ANK3: variants seen among roughly 807,000 people sequenced by gnomAD.
ANK3 encodes the protein ankyrin-3.
A neutral mutation model predicts 370.9 loss-of-function variants in ANK3; 57 were observed. The ratio of observed to expected loss-of-function variants is 0.15; its 90% CI spans 0.12 to 0.19. ANK3 has a LOEUF of 0.19. Ranked by LOEUF, ANK3 falls within the 10% of genes least tolerant of loss-of-function variation. The pLI, the probability that ANK3 is intolerant of heterozygous loss-of-function variation, is 1.00. For synonymous variants in ANK3, 1,929 were observed against 1,946.3 expected (o/e 0.99, Z 0.23); for missense variants, 4,439 against 5,302.1 (o/e 0.84, Z 5.06).
intron 1 of ANK3, among the ~76,000 whole-genome samples, chr10:60,298,907 A>G (rs114844774): frequency 0.024 from 3,722 of 152,306 alleles, 137 homozygotes; most frequent in African/African-American, 0.081. Flanking sequence ...ATGATCATGC[A>G]TATGCAAAGT....
Position 60,042,807 on chromosome 10 carries a change from G to A in ANK3, c.13066-48C>T, listed in dbSNP as rs760163589. The A allele has an allele frequency of 6.8e-6, 10 of 1,476,714 alleles. No homozygotes were observed. The South Asian group carries it at 7.0e-5, about 10-fold the overall frequency. The allele number at this position is 1,476,714 out of a possible 1,614,324, so 91.5% of individuals were successfully genotyped here. A position where few individuals can be genotyped will look rare whatever the true frequency, so the allele number is the denominator to read the frequency against. On this transcript the variant is annotated intron_variant, in intron 42 of 43. Transcript: ENST00000280772. ...AAGATTTCACAGTGAAACAGTGTTA[G>A]TTATAAAGCAGTCCATTCTGATCCT...
chr10:60,659,831 A>T (rs1183057694), intron 1 of ANK3, among the ~76,000 whole-genome samples: 1 of 152,132 alleles, frequency 6.6e-6, no homozygotes, highest in African/African-American at 2.4e-5. Context: ...AAATGGGACA[A>T]GGTATATAAA....
intron 2 of ANK3, among the ~76,000 whole-genome samples, chr10:60,414,816 G>T (rs527815781): frequency 2.0e-5 from 3 of 152,312 alleles, no homozygotes; most frequent in African/African-American, 7.2e-5. Context: ...CACCTGAGCA[G>T]CATTTGCCAA....
chr10:60,293,648 A>G (rs1237726721), intron 1 of ANK3, among the ~76,000 whole-genome samples: 1 of 152,164 alleles, frequency 6.6e-6, no homozygotes, highest in African/African-American at 2.4e-5. Flanking sequence ...CCTCACATAC[A>G]AAGAAGGCTA....
intron 1 of ANK3, among the ~76,000 whole-genome samples, chr10:60,311,226 G>A (rs1443264813): frequency 6.6e-6 from 1 of 152,116 alleles, no homozygotes; most frequent in Non-Finnish European, 1.5e-5. Context: ...CAATGAAACA[G>A]CACACAGATG....
At chr10:60,240,167 T>TATATATACATATATACACAC in intron 7 of ANK3, among the ~76,000 whole-genome samples, 1 of 129,186 alleles carries the variant, frequency 7.7e-6, no homozygotes, top group South Asian at 2.3e-4. Flanking sequence ...TATATACACA[T>TATATATACATATATACACAC]ATATATACAT....
intron 2 of ANK3, among the ~76,000 whole-genome samples, chr10:60,431,276 A>G (rs1693324693): frequency 6.6e-6 from 1 of 152,160 alleles, no homozygotes; most frequent in Non-Finnish European, 1.5e-5. Flanking sequence ...CCTCACACAC[A>G]TAGTTCACAG....
chr10:60,667,256 C>T (rs1400218113), intron 1 of ANK3, among the ~76,000 whole-genome samples: 1 of 148,834 alleles, frequency 6.7e-6, no homozygotes, highest in East Asian at 1.9e-4. Context: ...AAGAGCCACC[C>T]CATTCCAGAG....
intron 7 of ANK3, among the ~76,000 whole-genome samples, chr10:60,239,409 T>G (rs2097387825): frequency 6.6e-6 from 1 of 151,522 alleles, no homozygotes; most frequent in African/African-American, 2.4e-5. Flanking sequence ...AAGACACATC[T>G]CATACAGAGA....
At chr10:60,718,682 G>C (rs956943235) in intron 1 of ANK3, among the ~76,000 whole-genome samples, 8 of 152,130 alleles carry the variant, frequency 5.3e-5, no homozygotes, top group Non-Finnish European at 8.8e-5. Flanking sequence ...GGGATGAGAA[G>C]TATTCCACAA....
chr10:60,496,655 A>G (rs1368725593), intron 2 of ANK3, among the ~76,000 whole-genome samples: 1 of 151,532 alleles, frequency 6.6e-6, no homozygotes, highest in Non-Finnish European at 1.5e-5. Context: ...AATTACTTTA[A>G]AGGCAAAGTA....
chr10:60,059,912 G>A, intron 40 of ANK3: 1 of 1,614,164 alleles, frequency 6.2e-7, no homozygotes, highest in Non-Finnish European at 8.5e-7. Flanking sequence ...CTATGCTAGA[G>A]ATATCACTAA....
At chr10:60,429,477 G>T (rs1352367602) in intron 2 of ANK3, among the ~76,000 whole-genome samples, 1 of 152,184 alleles carries the variant, frequency 6.6e-6, no homozygotes, top group Non-Finnish European at 1.5e-5. Context: ...AGCCTTTACA[G>T]ATTAGTAAAG....
intron 1 of ANK3, among the ~76,000 whole-genome samples, chr10:60,688,673 GTGCGGTGGCACATGCC>G (rs1013070352): frequency 6.6e-6 from 1 of 152,242 alleles, no homozygotes; most frequent in Non-Finnish European, 1.5e-5. Context: ...ATCAGGCCGG[GTGCGGTGGCACATGCC>G]TGTAATCCCA....
intron 2 of ANK3, among the ~76,000 whole-genome samples, chr10:60,597,043 T>C (rs775207220): frequency 3.3e-5 from 5 of 152,208 alleles, no homozygotes; most frequent in Non-Finnish European, 7.3e-5. Context: ...ATTTAAAAAA[T>C]GCAGTTATTT....
At position 60,672,998 on chromosome 10, in the gene ANK3, T is replaced by A. The variant is rs150712111; in HGVS notation, c.58-57774A>T. ...ACTGTTTAAGAGAAGAAAACATGTA[T>A]TTTTTTTTCTGATACAACAAGCAAT... On this transcript the variant is annotated intron_variant, in intron 1 of 43. Coordinates refer to the ANK3 transcript ENST00000373827. Among the ~76,000 whole-genome samples, 322 of 150,844 alleles carry A rather than the reference T, an allele frequency of 2.1e-3. 1 individual carries two copies. Among genetic ancestry groups the A allele is most frequent in the African/African-American group, 7.0e-3 (285 of 40,990 alleles).
At position 60,073,467 on chromosome 10, in the gene ANK3, T is replaced by C; in HGVS notation, c.7414A>G (p.Lys2472Glu). ...GTATCAGAATGAGACACATCTAGCT[T>C]TTCTGACAGAAGCATTTTCTCAGCA... ...RFAEKMLLSEKLDVSHSDTEE... is the reference protein window; with the variant it reads ...RFAEKMLLSEELDVSHSDTEE... Residue 2472 changes from lysine (K) to glutamate (E), a missense_variant, in exon 37 of 44, where the codon AAG becomes GAG. Physicochemically the swap from Lys to Glu is moderately conservative, Grantham distance 56 (BLOSUM62 1). This residue lies in a region of ANK3 where 1,601 missense variants were observed against 1,731.7 expected (regional missense o/e 0.92). Coordinates refer to ENST00000280772, the MANE Select transcript of ANK3 (RefSeq NM_020987.5). 1 of 1,614,024 alleles carries C rather than the reference T, an allele frequency of 6.2e-7. No individual in the cohort carries two copies. Among genetic ancestry groups the C allele is most frequent in the Non-Finnish European group, 8.5e-7 (1 of 1,179,996 alleles).
intron 1 of ANK3, among the ~76,000 whole-genome samples, chr10:60,348,347 C>CAAAAAA (rs35147179): frequency 1.5e-5 from 1 of 68,162 alleles, no homozygotes; most frequent in African/African-American, 6.5e-5. Context: ...TATCACTAGC[C>CAAAAAA]AAAAAAAAAA....
At chr10:60,694,166 G>C (rs1323155098) in intron 1 of ANK3, among the ~76,000 whole-genome samples, 2 of 152,172 alleles carry the variant, frequency 1.3e-5, no homozygotes, top group African/African-American at 4.8e-5. Context: ...AAGATGAAAT[G>C]AATGAAATGA....
Sources: allele counts gnomAD v4.1 joint callset (sites outside exome capture counted in the v4.1 genomes callset), GRCh38; gene constraint gnomAD v4.1.1; regional missense constraint gnomAD v4.1.1; transcripts MANE v1.5; gene names NCBI Gene and HGNC (gene_info 2026-07-23, HGNC 2026-07-21).